Variants in BRAF observed in about 807,000 individuals in gnomAD.
The protein encoded by BRAF is serine/threonine-protein kinase B-raf.
Under a neutral mutation model 104.6 loss-of-function variants are expected in BRAF, and 16 were observed. That is an observed-to-expected ratio of 0.15 (90% CI 0.10 to 0.23). The LOEUF (loss-of-function observed/expected upper bound fraction) is 0.23, where lower values mean the gene tolerates loss of function less well. BRAF is among the 10% of genes least tolerant of loss of function. The pLI, the probability that BRAF is intolerant of heterozygous loss-of-function variation, is 1.00. For synonymous variants in BRAF, 310 were observed against 341.6 expected (o/e 0.91, Z 1.02); for missense variants, 541 against 937.3 (o/e 0.58, Z 5.52).
At chr7:140,802,753 T>TA (rs1240617973) in intron 5 of BRAF, among the ~76,000 whole-genome samples, 1 of 151,978 alleles carries the variant, frequency 6.6e-6, no homozygotes, top group Non-Finnish European at 1.5e-5. Flanking sequence ...GTCAAAAAGT[T>TA]AAAAAAAATT....
At position 140,723,921 on chromosome 7, in the gene BRAF, A is replaced by C; in HGVS notation, c.*2573T>G. On this transcript the variant is annotated 3_prime_UTR_variant, in exon 20 of 20. Transcript: ENST00000644969. ...TCAAAAAATAAAGCAGATAAAACAC[A>C]AATAAAACCTATTTTCATGTCATTT... is the stretch of plus-strand genomic sequence containing the variant. 9.6e-7 allele frequency: 1 copy of C among 1,043,932 alleles called. No homozygotes were observed. The highest frequency in any genetic ancestry group is 5.6e-5 in the Admixed American group (1 of 17,996). 64.7% of individuals were successfully genotyped at this position (1,043,932 alleles called of 1,614,324 possible).
At chr7:140,912,828 G>A (rs545570815) in intron 1 of BRAF, among the ~76,000 whole-genome samples, 9 of 152,248 alleles carry the variant, frequency 5.9e-5, no homozygotes, top group South Asian at 2.1e-4. Flanking sequence ...GATTACAGGC[G>A]TGAGCCACCA....
chr7:140,832,585 A>G (rs1022480568), intron 3 of BRAF, among the ~76,000 whole-genome samples: 1 of 152,230 alleles, frequency 6.6e-6, no homozygotes, highest in Non-Finnish European at 1.5e-5. Context: ...CCATTTACTG[A>G]TGATTCATAA....
chr7:140,793,672 C>T (rs1802213212), intron 8 of BRAF, among the ~76,000 whole-genome samples: 1 of 152,174 alleles, frequency 6.6e-6, no homozygotes, highest in African/African-American at 2.4e-5. Flanking sequence ...GTTGCTCAGG[C>T]TGGAGTGCAG....
rs758935249 is a variant in BRAF, at chr7:140,794,421, G to A, written c.1027C>T (p.Pro343Ser). The change falls in exon 8 of 20, where the codon CCA becomes TCA. Residue 343 changes from proline to serine, a missense_variant. By Grantham distance (74) the Pro-to-Ser change is moderately conservative. Around this residue, in one of 10 missense-constraint regions of BRAF, gnomAD observed 79 missense variants for 74.6 expected, o/e 1.06. Coordinates refer to ENST00000644969, the MANE Select transcript of BRAF (RefSeq NM_001374258.1). ...TCATCTGCTGGTCGGAAGGGCTGTGGAATTGGAATGGATTTTGAAGGAGAC... is the reference window on the plus strand; with the variant it reads ...TCATCTGCTGGTCGGAAGGGCTGTGAAATTGGAATGGATTTTGAAGGAGAC... ...SPSPSKSIPI[P>S]QPFRPADEDH... The A allele has an allele frequency of 1.7e-5, 28 of 1,613,932 alleles. 1 individual carries two copies. The highest frequency in any genetic ancestry group is 3.3e-4 in the Middle Eastern group (2 of 6,084).
intron 1 of BRAF, among the ~76,000 whole-genome samples, chr7:140,898,561 T>C (rs1291059654): frequency 6.6e-6 from 1 of 152,200 alleles, no homozygotes; most frequent in Non-Finnish European, 1.5e-5. Context: ...AATTTTCCCT[T>C]TATTATAAAG....
chr7:140,785,957 C>A (rs1801309263), intron 9 of BRAF: 1 of 393,582 alleles, frequency 2.5e-6, no homozygotes, highest in Non-Finnish European at 4.5e-6. Context: ...TCATAAAATC[C>A]CAATGATTTT....
intron 14 of BRAF, among the ~76,000 whole-genome samples, chr7:140,766,434 TATA>T (rs140680032): frequency 0.098 from 14,887 of 151,686 alleles, 779 homozygotes; most frequent in South Asian, 0.19. Flanking sequence ...AAACTGAAAG[TATA>T]ATAATAAAAA....
At chr7:140,718,178 T>G (rs1447943837), downstream of BRAF, among the ~76,000 whole-genome samples, 1 of 152,066 alleles carries the variant, frequency 6.6e-6, no homozygotes, top group Non-Finnish European at 1.5e-5. Context: ...CACTGCAACC[T>G]CCGCCTCCCA....
intron 8 of BRAF, among the ~76,000 whole-genome samples, chr7:140,794,048 T>C (rs2129037725): frequency 1.3e-5 from 2 of 152,354 alleles, no homozygotes; most frequent in East Asian, 3.8e-4. Flanking sequence ...CCATTTTCAT[T>C]TGAAGATGAC....
chr7:140,727,084 A>G lies in BRAF; in HGVS notation c.2402-568T>C, dbSNP rs1191875668. On this transcript the variant is annotated intron_variant, in intron 19 of 19. Transcript: ENST00000644969. ...ATTAAATATAGGCACATCACTGAAC[A>G]TAATTATCAGCATAAAGAATTCTTT... 4.6e-5 allele frequency among the ~76,000 whole-genome samples: 7 copies of G among 152,216 alleles called. No individual in the cohort carries two copies. In the South Asian group the frequency reaches 6.2e-4, roughly 13 times the overall value.
In BRAF at chr7:140,749,294, C is replaced by T. The variant is rs1317472067; in HGVS notation, c.2105G>A (p.Arg702Lys). Residue 702 changes from arginine to lysine, a missense_variant, in exon 17 of 20, where the codon AGG becomes AAG. Transcript: ENST00000644969. Reference sequence around the variant, plus strand: ...GACGTGGTAAATATTTACCTGGTCCCTGTTGTTGATGTTTGAATAAGGTAA... The same window carrying T: ...GACGTGGTAAATATTTACCTGGTCCTTGTTGTTGATGTTTGAATAAGGTAA... ...GQLPYSNINN[R>K]DQIIFMVGRG... 6.2e-7 allele frequency: 1 copy of T among 1,611,104 alleles called. No homozygotes were observed. The highest frequency in any genetic ancestry group is 1.3e-5 in the African/African-American group (1 of 74,808).
chr7:140,822,110 T>C (rs532969460), intron 3 of BRAF, among the ~76,000 whole-genome samples: 2 of 152,048 alleles, frequency 1.3e-5, no homozygotes, highest in South Asian at 2.1e-4. Flanking sequence ...CTCAGCATCA[T>C]GCAATATACC....
intron 14 of BRAF, among the ~76,000 whole-genome samples, chr7:140,754,469 C>T (rs2129000091): frequency 6.6e-6 from 1 of 152,144 alleles, no homozygotes; most frequent in East Asian, 1.9e-4. Flanking sequence ...AAAGACTTTG[C>T]TTTATCTTTT....
In BRAF at chr7:140,724,512, TAAAAAC is replaced by T; in HGVS notation, c.*1976_*1981del. The T allele has an allele frequency of 1.9e-6, 2 of 1,049,300 alleles. No individual in the cohort carries two copies. Among genetic ancestry groups the T allele is most frequent in the Non-Finnish European group, 2.3e-6 (2 of 869,332 alleles). The allele number at this position is 1,049,300 out of a possible 1,614,324, so 65.0% of individuals were successfully genotyped here. A position where few individuals can be genotyped will look rare whatever the true frequency, so the allele number is the denominator to read the frequency against. On this transcript the variant is annotated 3_prime_UTR_variant, in exon 20 of 20. Transcript: ENST00000644969. ...GACACTGCCCTGCTGATGTAAAACT[TAAAAAC>T]AAATTTGCTTTTCAAACTGATTAAT...
At chr7:140,757,919 C>T (rs1164805983) in intron 14 of BRAF, among the ~76,000 whole-genome samples, 1 of 152,192 alleles carries the variant, frequency 6.6e-6, no homozygotes, top group Non-Finnish European at 1.5e-5. Context: ...CATGTTACAT[C>T]ACTTGATCTT....
At chr7:140,801,294 C>A (rs568044398) in intron 6 of BRAF, 118 bp downstream of exon 6, 2 of 1,180,976 alleles carry the variant, frequency 1.7e-6, no homozygotes, top group African/African-American at 1.6e-5. Flanking sequence ...AAAAAAAATT[C>A]TCTATAACAA....
chr7:140,754,363 A>G (rs1158894241), intron 14 of BRAF, 130 bp from the exon 14 acceptor site: 1 of 776,408 alleles, frequency 1.3e-6, no homozygotes, highest in Non-Finnish European at 2.3e-6. Flanking sequence ...ACATTGTAAT[A>G]AACCCTTCAC....
chr7:140,745,050 T>G (rs1797241220), intron 17 of BRAF, among the ~76,000 whole-genome samples: 1 of 152,036 alleles, frequency 6.6e-6, no homozygotes, highest in South Asian at 2.1e-4. Context: ...TACAAATAGT[T>G]TGAAGAGAAA....
Sources: gnomAD v4.1 joint callset for allele counts (sites outside exome capture counted in the v4.1 genomes callset) on GRCh38, gnomAD v4.1.1 for gene constraint, gnomAD v4.1.1 regional missense constraint, MANE v1.5 for transcripts, NCBI Gene and HGNC (gene_info 2026-07-23, HGNC 2026-07-21) for gene names.